SATB2: variants seen among roughly 807,000 people sequenced by gnomAD.
SATB2 encodes the protein SATB homeobox 2.
A neutral mutation model predicts 73.4 loss-of-function variants in SATB2; 1 was observed. The ratio of observed to expected loss-of-function variants is 0.01; its 90% confidence interval spans 0.00 to 0.06. The LOEUF (loss-of-function observed/expected upper bound fraction) is 0.06, where lower values mean the gene tolerates loss of function less well. SATB2 is among the 10% of genes least tolerant of loss of function. The pLI, the probability that SATB2 is intolerant of heterozygous loss-of-function variation, is 1.00. For synonymous variants in SATB2, 397 were observed against 367.0 expected, an observed-to-expected ratio of 1.08 and a Z score of -0.93; for missense variants, 459 against 945.8, an observed-to-expected ratio of 0.49 and a Z score of 6.75.
At chr2:199,440,041 G>C (rs936283739) in intron 2 of SATB2, among the ~76,000 whole-genome samples, 1 of 152,116 alleles carries the variant, frequency 6.6e-6, no homozygotes, top group Non-Finnish European at 1.5e-5. Flanking sequence ...AGGAGACAGA[G>C]GTTGCAGTGA....
chr2:199,412,780 G>A (rs1690861978), intron 3 of SATB2, among the ~76,000 whole-genome samples: 1 of 152,008 alleles, frequency 6.6e-6, no homozygotes, highest in Admixed American at 6.5e-5. Flanking sequence ...ATGGGGACAA[G>A]TCACAGATGA....
chr2:199,383,623 T>C (rs1033744233), intron 3 of SATB2, among the ~76,000 whole-genome samples: 1 of 152,108 alleles, frequency 6.6e-6, no homozygotes, highest in Non-Finnish European at 1.5e-5. Context: ...TGCACTATGA[T>C]AGGCAAGTAA....
chr2:199,453,780 T>C (rs1692196674), intron 2 of SATB2, among the ~76,000 whole-genome samples: 4 of 152,042 alleles, frequency 2.6e-5, no homozygotes, highest in African/African-American at 7.2e-5. Flanking sequence ...TATTCTAAAG[T>C]TGTCTAAATT....
intron 3 of SATB2, among the ~76,000 whole-genome samples, chr2:199,416,179 A>G (rs1690975047): frequency 6.6e-6 from 1 of 152,228 alleles, no homozygotes; most frequent in African/African-American, 2.4e-5. Context: ...CTATTATACC[A>G]AAGGAGGTTA....
At chr2:199,426,611 T>C (rs1691336402) in intron 3 of SATB2, among the ~76,000 whole-genome samples, 1 of 148,018 alleles carries the variant, frequency 6.8e-6, no homozygotes, top group South Asian at 2.1e-4. Flanking sequence ...TTAAACATTT[T>C]CAATAGGGAA....
At chr2:199,465,567 C>G (rs1692577806), upstream of SATB2, among the ~76,000 whole-genome samples, 1 of 152,188 alleles carries the variant, frequency 6.6e-6, no homozygotes, top group East Asian at 1.9e-4. Context: ...CACCTGGGAA[C>G]CATGCCGTAA....
chr2:199,415,966 T>TCACTGC (rs1177163355), intron 3 of SATB2, among the ~76,000 whole-genome samples: 3 of 152,192 alleles, frequency 2.0e-5, no homozygotes, highest in Admixed American at 1.3e-4. Flanking sequence ...ATCATTGCCC[T>TCACTGC]CACTGCCACT....
At position 199,348,696 on chromosome 2, in the gene SATB2, T is replaced by C. The variant is rs569655648; in HGVS notation, c.1173+5A>G. 64 of 1,566,976 alleles carry C rather than the reference T, an allele frequency of 4.1e-5. No individual in the cohort carries two copies. The highest frequency in any genetic ancestry group is 5.3e-5 in the Non-Finnish European group (61 of 1,155,750). ...GTTAATTACAGTGTTTAATGCTAAT[T>C]GTACCTGTGTGCGGTTGAATGCCAC... On this transcript the variant is annotated splice_donor_5th_base_variant and intron_variant, in intron 7 of 10. Transcript: ENST00000417098.
chr2:199,282,295 G>A (rs932808322), intron 10 of SATB2, among the ~76,000 whole-genome samples: 1 of 152,038 alleles, frequency 6.6e-6, no homozygotes. Context: ...AAATAAAGAA[G>A]CTATCACTAA....
In SATB2 at chr2:199,272,508, A is replaced by G. The variant is rs747802576; in HGVS notation, c.1905T>C (p.Asp635=). 6.2e-7 allele frequency: 1 copy of G among 1,614,164 alleles called. No homozygotes were observed. The highest frequency in any genetic ancestry group is 1.7e-4 in the Middle Eastern group (1 of 6,060). Residue 635 remains aspartate (D), a synonymous_variant, in exon 11 of 11, where the codon GAT becomes GAC. Transcript: ENST00000417098. The surrounding 1 kb of genome is among the most constrained non-coding windows in gnomAD (Gnocchi z 6.7). ...CTTCCTGGTCTGGGTACAGGCCTAC[A>G]TCATGAATAAAGCTTTGGAGGATCC... The part of the protein sequence containing the change: ...ALGILQSFIH[D]VGLYPDQEAI...
At chr2:199,390,188 C>T (rs7424317) in intron 3 of SATB2, among the ~76,000 whole-genome samples, 1 of 151,656 alleles carries the variant, frequency 6.6e-6, no homozygotes, top group East Asian at 1.9e-4. Flanking sequence ...TTCAGAATTC[C>T]AGTTCTTCTG....
chr2:199,296,031 A>C (rs1215790536), intron 10 of SATB2, among the ~76,000 whole-genome samples: 2 of 152,210 alleles, frequency 1.3e-5, no homozygotes, highest in African/African-American at 4.8e-5. Flanking sequence ...TTAGATTTCC[A>C]CACTAAACAG....
intron 9 of SATB2, among the ~76,000 whole-genome samples, chr2:199,311,368 C>T (rs551860652): frequency 6.6e-6 from 1 of 152,228 alleles, no homozygotes; most frequent in African/African-American, 2.4e-5. Flanking sequence ...ACAGCGCACC[C>T]CCACCACAGC....
At position 199,464,367 on chromosome 2, in the gene SATB2, G is replaced by A. The variant is rs984565382; in HGVS notation, c.-141+469C>T. On this transcript the variant is annotated intron_variant, in intron 1 of 11. Coordinates refer to the SATB2 transcript ENST00000260926. The surrounding 1 kb of genome is among the most constrained non-coding windows in gnomAD (Gnocchi z 6.6). The stretch of plus-strand genomic sequence containing the variant: ...CTTAGAGGACTTCACTGGGCGGGTT[G>A]GGGTTTATTTTCAATAAATTCAGCT... 6.6e-6 allele frequency among the ~76,000 whole-genome samples: 1 copy of A among 152,096 alleles called. No individual in the cohort carries two copies. The highest frequency in any genetic ancestry group is 1.5e-5 in the Non-Finnish European group (1 of 68,010).
rs547336524 is a variant in SATB2 at position 199,429,851 on chromosome 2, A to C, written c.346+3487T>G. ...CCTGAAACCGGCAGGCAGAGGTTGCAGTGAGCCAAGATCGTGCCCCTGCAC... is the reference window on the plus strand; with the variant it reads ...CCTGAAACCGGCAGGCAGAGGTTGCCGTGAGCCAAGATCGTGCCCCTGCAC... On this transcript the variant is annotated intron_variant, in intron 3 of 10. Coordinates refer to ENST00000417098, the MANE Select transcript of SATB2 (RefSeq NM_001172509.2). 2.0e-4 allele frequency among the ~76,000 whole-genome samples: 30 copies of C among 152,376 alleles called. No homozygotes were observed. In the East Asian group the frequency reaches 5.4e-3, roughly 27 times the overall value.
intron 3 of SATB2, among the ~76,000 whole-genome samples, chr2:199,400,723 A>G (rs922251399): frequency 6.6e-6 from 1 of 152,212 alleles, no homozygotes. Context: ...CATTTTGCAG[A>G]TGAGAACACC....
intron 10 of SATB2, among the ~76,000 whole-genome samples, chr2:199,278,632 C>T (rs1692390116): frequency 6.6e-6 from 1 of 152,088 alleles, no homozygotes; most frequent in Admixed American, 6.6e-5. Flanking sequence ...ATACTAAGAC[C>T]TGAAAACTGC....
chr2:199,390,531 CT>C (rs1690099071), intron 3 of SATB2, among the ~76,000 whole-genome samples: 1 of 152,134 alleles, frequency 6.6e-6, no homozygotes, highest in East Asian at 1.9e-4. Flanking sequence ...AGATTTCCCC[CT>C]AGCATTTGTC....
intron 7 of SATB2, among the ~76,000 whole-genome samples, chr2:199,336,977 T>C (rs1324050570): frequency 2.6e-5 from 4 of 152,194 alleles, no homozygotes; most frequent in South Asian, 2.1e-4. Context: ...ATGTGATACA[T>C]ACTAAGAGTT....
Sources: allele counts gnomAD v4.1 joint callset (sites outside exome capture counted in the v4.1 genomes callset), GRCh38; gene constraint gnomAD v4.1.1; non-coding constraint Gnocchi (gnomAD v3.1); transcripts MANE v1.5; gene names NCBI Gene and HGNC (gene_info 2026-07-23, HGNC 2026-07-21).